The following MGMT variants were observed in gnomAD, a reference collection of about 807,000 sequenced individuals.
The protein encoded by MGMT is O-6-methylguanine-DNA methyltransferase, also known as methylated-DNA--protein-cysteine methyltransferase.
A neutral mutation model predicts 15.9 loss-of-function variants in MGMT; 14 were observed. That is an observed-to-expected ratio of 0.88 (90% CI 0.58 to 1.37). The LOEUF (loss-of-function observed/expected upper bound fraction) is 1.37, where lower values mean the gene tolerates loss of function less well. Ranked by LOEUF, MGMT falls within the 40% of genes most tolerant of loss-of-function variation. The probability of loss-of-function intolerance (pLI) is 0.00; values close to 1 mark genes in which losing one functional copy is unlikely to be tolerated. For missense variants in MGMT, 282 were observed against 268.1 expected (o/e 1.05, Z -0.36); for synonymous variants, 130 against 118.2 (o/e 1.10, Z -0.65).
intron 2 of MGMT, among the ~76,000 whole-genome samples, chr10:129,672,133 C>CT (rs1335402478): frequency 6.6e-6 from 1 of 152,100 alleles, no homozygotes; most frequent in Non-Finnish European, 1.5e-5. Flanking sequence ...GTTTCAGTTT[C>CT]TTTTTTAGAA....
At chr10:129,542,983 A>G in intron 2 of MGMT, among the ~76,000 whole-genome samples, 1 of 152,242 alleles carries the variant, frequency 6.6e-6, no homozygotes. Flanking sequence ...TTTATAGTGC[A>G]GTGTCCTTTA....
At position 129,767,209 on chromosome 10, in the gene MGMT, ATTT is replaced by A. The variant is rs1374591283; in HGVS notation, c.*215_*217del. 2.0e-6 allele frequency: 1 copy of A among 487,994 alleles called. No individual in the cohort carries two copies. Among genetic ancestry groups the A allele is most frequent in the Non-Finnish European group, 3.6e-6 (1 of 276,920 alleles). 30.2% of individuals were successfully genotyped at this position (487,994 alleles called of 1,614,324 possible). On this transcript the variant is annotated 3_prime_UTR_variant, in exon 5 of 5. Transcript: ENST00000651593. The stretch of plus-strand genomic sequence containing the variant: ...CCTTCTCTAACGCTGCCCTTGCTCT[ATTT>A]TTCATGTCCATTAAAACAGGCCAAG...
At chr10:129,643,621 G>A (rs978962017) in intron 2 of MGMT, among the ~76,000 whole-genome samples, 8 of 152,192 alleles carry the variant, frequency 5.3e-5, no homozygotes, top group African/African-American at 1.7e-4. Context: ...GTGACTGTTC[G>A]TGCCAGTGAA....
At chr10:129,695,988 C>T (rs1239031243) in intron 2 of MGMT, among the ~76,000 whole-genome samples, 2 of 152,116 alleles carry the variant, frequency 1.3e-5, no homozygotes, top group Non-Finnish European at 2.9e-5. Context: ...GTGGCTTTGT[C>T]CTCGCGGTCT....
intron 2 of MGMT, among the ~76,000 whole-genome samples, chr10:129,690,865 G>A (rs374509827): frequency 1.2e-3 from 181 of 152,288 alleles, no homozygotes; most frequent in African/African-American, 4.1e-3. Flanking sequence ...GCAGAGTTTG[G>A]ATCTGATTCT....
At chr10:129,667,228 A>G (rs1466615565) in intron 2 of MGMT, among the ~76,000 whole-genome samples, 2 of 152,274 alleles carry the variant, frequency 1.3e-5, no homozygotes, top group East Asian at 1.9e-4. Context: ...TGCTGCTCCC[A>G]GAAGTAACCC....
At chr10:129,688,561 T>C (rs1365184124) in intron 2 of MGMT, among the ~76,000 whole-genome samples, 2 of 152,216 alleles carry the variant, frequency 1.3e-5, no homozygotes, top group Non-Finnish European at 2.9e-5. Flanking sequence ...CTTGTAAATG[T>C]GTTTAAATTC....
At position 129,767,809 on chromosome 10, in the gene MGMT, ACC is replaced by A. The variant is rs1848956311; in HGVS notation, c.*815_*816del. On this transcript the variant is annotated 3_prime_UTR_variant, in exon 5 of 5. Coordinates refer to ENST00000651593, the MANE Select transcript of MGMT (RefSeq NM_002412.5). The stretch of plus-strand genomic sequence containing the variant: ...CCTCAGGGACCATGGGCCTGTTAGG[ACC>A]CCAGCACCCCAGTGTCGATCCTGGA... The A allele has an allele frequency of 6.6e-6, 1 of 152,030 alleles. No homozygotes were observed. Among genetic ancestry groups the A allele is most frequent in the African/African-American group, 2.4e-5 (1 of 41,386 alleles). 9.4% of individuals were successfully genotyped at this position (152,030 alleles called of 1,614,324 possible).
intron 2 of MGMT, 141 bp from the exon 3 acceptor site, chr10:129,707,754 C>G (rs1848181672): frequency 8.7e-7 from 1 of 1,156,058 alleles, no homozygotes; most frequent in South Asian, 1.4e-5. Flanking sequence ...GTCCCCCTTT[C>G]TGCTGCACAG....
At chr10:129,761,121 C>T (rs1233142194) in intron 4 of MGMT, among the ~76,000 whole-genome samples, 1 of 152,194 alleles carries the variant, frequency 6.6e-6, no homozygotes, top group Non-Finnish European at 1.5e-5. Flanking sequence ...GAAAAGGCAG[C>T]TCAGATGCTG....
At chr10:129,554,574 A>G (rs141485295) in intron 2 of MGMT, among the ~76,000 whole-genome samples, 175 of 152,224 alleles carry the variant, frequency 1.1e-3, no homozygotes, top group African/African-American at 3.8e-3. Flanking sequence ...GATGAACACT[A>G]TGTAGCCCTG....
At chr10:129,635,595 T>C (rs1847256460) in intron 2 of MGMT, among the ~76,000 whole-genome samples, 2 of 152,250 alleles carry the variant, frequency 1.3e-5, no homozygotes, top group Non-Finnish European at 2.9e-5. Context: ...ACAGAAGTGC[T>C]GGGGTGTTTT....
chr10:129,675,374 G>A (rs1459852639), intron 2 of MGMT, among the ~76,000 whole-genome samples: 1 of 152,192 alleles, frequency 6.6e-6, no homozygotes, highest in Non-Finnish European at 1.5e-5. Flanking sequence ...GGGAATGACT[G>A]GGTTTAGACT....
At chr10:129,650,561 T>C (rs931782821) in intron 2 of MGMT, among the ~76,000 whole-genome samples, 1 of 152,138 alleles carries the variant, frequency 6.6e-6, no homozygotes, top group African/African-American at 2.4e-5. Flanking sequence ...CTTTTGTTCT[T>C]TTTGCGAGGA....
At position 129,566,732 on chromosome 10, in the gene MGMT, G is replaced by A. The variant is rs982989377; in HGVS notation, c.125+30355G>A. On this transcript the variant is annotated intron_variant, in intron 2 of 4. Coordinates refer to ENST00000651593, the MANE Select transcript of MGMT (RefSeq NM_002412.5). This position sits in a 1 kb window ranked among gnomAD's most constrained non-coding sequence, Gnocchi z 4.1. ...AGGGAGGGTCTGGGACTTTTCTCTC[G>A]GAGGCCCCATGAAGTTGGTATTCCT... 1.8e-4 allele frequency among the ~76,000 whole-genome samples: 27 copies of A among 152,158 alleles called. No homozygotes were observed. Among genetic ancestry groups the A allele is most frequent in the African/African-American group, 6.5e-4 (27 of 41,512 alleles).
intron 2 of MGMT, among the ~76,000 whole-genome samples, chr10:129,565,441 T>C (rs1443147045): frequency 9.2e-5 from 14 of 152,258 alleles, no homozygotes. Context: ...ACGAGTGTTG[T>C]AATATATCTT....
chr10:129,591,028 A>G (rs1846678064), intron 2 of MGMT, among the ~76,000 whole-genome samples: 1 of 152,198 alleles, frequency 6.6e-6, no homozygotes, highest in Non-Finnish European at 1.5e-5. Context: ...TGAGTTGGCC[A>G]AACGCAGTGT....
chr10:129,499,212 T>G (rs893898761), intron 1 of MGMT, among the ~76,000 whole-genome samples: 4 of 152,220 alleles, frequency 2.6e-5, no homozygotes, highest in African/African-American at 9.6e-5. Flanking sequence ...TTTCCTATGC[T>G]TGCTTGGTGG....
At chr10:129,711,111 CA>C (rs1848227848) in intron 3 of MGMT, among the ~76,000 whole-genome samples, 1 of 152,188 alleles carries the variant, frequency 6.6e-6, no homozygotes, top group South Asian at 2.1e-4. Context: ...ATCCCTTCCT[CA>C]GGCCTGTCCT....
Sources: allele counts gnomAD v4.1 joint callset (sites outside exome capture counted in the v4.1 genomes callset), GRCh38; gene constraint gnomAD v4.1.1; non-coding constraint Gnocchi (gnomAD v3.1); transcripts MANE v1.5; gene names NCBI Gene and HGNC (gene_info 2026-07-23, HGNC 2026-07-21).